Variants in HIVEP3 observed in about 807,000 individuals in gnomAD.
HIVEP3 encodes transcription factor HIVEP3.
A neutral mutation model predicts 152.8 loss-of-function variants in HIVEP3; 49 were observed. The observed-to-expected ratio is 0.32, with a 90% CI of 0.26 to 0.41. HIVEP3 has a LOEUF of 0.41. Among genes scored for constraint, HIVEP3 ranks in the 10% least tolerant of loss-of-function variants. The pLI is 1.00. For synonymous variants in HIVEP3, 1,269 were observed against 1,289.0 expected, an observed-to-expected ratio of 0.98 and a Z score of 0.33; for missense variants, 2,790 against 3,103.3, an observed-to-expected ratio of 0.90 and a Z score of 2.40.
intron 1 of HIVEP3, among the ~76,000 whole-genome samples, chr1:41,760,594 C>T (rs1489962145): frequency 6.6e-6 from 1 of 152,218 alleles, no homozygotes; most frequent in African/African-American, 2.4e-5. Context: ...TCAATAGATA[C>T]TTGCTGATTG....
chr1:41,899,262 A>C (rs1473327970), intron 1 of HIVEP3, among the ~76,000 whole-genome samples: 1 of 152,206 alleles, frequency 6.6e-6, no homozygotes, highest in African/African-American at 2.4e-5. Context: ...ATGCATCTCT[A>C]GGTGTTTTCA....
chr1:41,526,285 GCTCACCCTCACACACA>G (rs1303264241), intron 5 of HIVEP3, among the ~76,000 whole-genome samples: 3 of 89,370 alleles, frequency 3.4e-5, no homozygotes, highest in Non-Finnish European at 7.0e-5. Context: ...ACCCTCACAC[GCTCACCCTCACACACA>G]CTCACCCTCA....
chr1:41,694,028 C>G (rs1284942254), intron 2 of HIVEP3, among the ~76,000 whole-genome samples: 1 of 152,082 alleles, frequency 6.6e-6, no homozygotes, highest in Non-Finnish European at 1.5e-5. Flanking sequence ...TTTTTCTAGG[C>G]CATTCATCCA....
chr1:41,919,342 C>T (rs1570809817), upstream of HIVEP3, among the ~76,000 whole-genome samples: 1 of 152,126 alleles, frequency 6.6e-6, no homozygotes, highest in African/African-American at 2.4e-5. Context: ...GATCAGGGGC[C>T]GGGGAGCCTC....
chr1:41,739,140 C>T (rs1646961030), intron 1 of HIVEP3, among the ~76,000 whole-genome samples: 1 of 152,224 alleles, frequency 6.6e-6, no homozygotes, highest in South Asian at 2.1e-4. Context: ...GTGGCAAAGC[C>T]CAAGGAGCCC....
In HIVEP3 at chr1:41,511,239, A is replaced by G. The variant is rs1206234349; in HGVS notation, c.6433T>C (p.Cys2145Arg). ...AGAGGATGAGCAGGGCCGGGTGAGC[A>G]GGAGGGACTTCGGGACTCGGCCTTC... Reference protein sequence around the residue: ...WQKAESRSPSCSPGPAHPLSS... With the variant: ...WQKAESRSPSRSPGPAHPLSS... The change falls in exon 9 of 9, where the codon TGC (cysteine) becomes CGC (arginine). Residue 2145 changes from cysteine (C) to arginine (R), a missense_variant. This residue lies in a region of HIVEP3 where 816 missense variants were observed against 806.5 expected (regional missense o/e 1.01). Coordinates refer to ENST00000372583, the MANE Select transcript of HIVEP3 (RefSeq NM_024503.5). This position sits in a 1 kb window ranked among gnomAD's most constrained non-coding sequence, Gnocchi z 4.9. 1 of 1,610,602 alleles carries G rather than the reference A, an allele frequency of 6.2e-7. No homozygotes were observed. Among genetic ancestry groups the G allele is most frequent in the African/African-American group, 1.3e-5 (1 of 74,884 alleles).
Position 41,759,133 on chromosome 1 carries a change from C to T in HIVEP3, c.-800-58138G>A, listed in dbSNP as rs75127335. On this transcript the variant is annotated intron_variant, in intron 1 of 8. Transcript: ENST00000372583. ...TTTCCAGCTCCTGGCAACCACCAGT[C>T]TGCTTTCTATTAGGTTGGTGCAAAA... Among the ~76,000 whole-genome samples the T allele has an allele frequency of 4.2e-3, 634 of 151,156 alleles. 4 individuals are homozygous for T. Among genetic ancestry groups the T allele is most frequent in the African/African-American group, 0.014 (585 of 41,320 alleles).
chr1:41,913,834 CT>C (rs985647778), intron 1 of HIVEP3, among the ~76,000 whole-genome samples: 3 of 152,096 alleles, frequency 2.0e-5, no homozygotes, highest in African/African-American at 7.2e-5. Context: ...TTTTCCATAT[CT>C]TTCTACTATT....
At chr1:41,667,591 T>C (rs1385664474) in intron 2 of HIVEP3, among the ~76,000 whole-genome samples, 1 of 152,238 alleles carries the variant, frequency 6.6e-6, no homozygotes, top group African/African-American at 2.4e-5. Context: ...AAATATTTAC[T>C]CTGCCCATGG....
chr1:41,732,382 G>T (rs1457446803), intron 1 of HIVEP3, among the ~76,000 whole-genome samples: 1 of 152,146 alleles, frequency 6.6e-6, no homozygotes, highest in Non-Finnish European at 1.5e-5. Context: ...GAACTGAGGA[G>T]ACCATGGAAC....
intron 2 of HIVEP3, among the ~76,000 whole-genome samples, chr1:41,658,761 A>G (rs1645667977): frequency 6.6e-6 from 1 of 152,190 alleles, no homozygotes; most frequent in African/African-American, 2.4e-5. Flanking sequence ...AATAAGGGAG[A>G]GTGCTCTGCA....
chr1:41,924,938 T>C (rs926680236), intron 1 of HIVEP3, among the ~76,000 whole-genome samples: 1 of 152,164 alleles, frequency 6.6e-6, no homozygotes, highest in African/African-American at 2.4e-5. Flanking sequence ...ATCATTATTG[T>C]TCTTAGAAAT....
intron 3 of HIVEP3, among the ~76,000 whole-genome samples, chr1:41,599,692 A>T (rs946874347): frequency 6.6e-6 from 1 of 152,224 alleles, no homozygotes; most frequent in Non-Finnish European, 1.5e-5. Context: ...TAGATGTGGC[A>T]CCAAAAGCAT....
At chr1:41,529,656 G>A (rs1490102798) in intron 5 of HIVEP3, among the ~76,000 whole-genome samples, 2 of 45,926 alleles carry the variant, frequency 4.4e-5, no homozygotes, top group East Asian at 5.0e-4. Context: ...CCACACTCAC[G>A]CCCCTACACA....
chr1:41,645,594 A>G (rs894433148), intron 2 of HIVEP3, among the ~76,000 whole-genome samples: 3 of 152,232 alleles, frequency 2.0e-5, no homozygotes, highest in Non-Finnish European at 2.9e-5. Context: ...CACTGTAATT[A>G]AAAAACTAAT....
At chr1:41,840,496 C>T (rs1294563108) in intron 1 of HIVEP3, among the ~76,000 whole-genome samples, 1 of 152,190 alleles carries the variant, frequency 6.6e-6, no homozygotes, top group Non-Finnish European at 1.5e-5. Context: ...AAGCATGGCC[C>T]TGCTGACACC....
At chr1:41,704,743 C>A (rs1297078058) in intron 1 of HIVEP3, among the ~76,000 whole-genome samples, 3 of 152,232 alleles carry the variant, frequency 2.0e-5, no homozygotes, top group Non-Finnish European at 4.4e-5. Context: ...TAACTATGAG[C>A]ACATGTCAAT....
At chr1:41,704,866 A>G (rs1305572648) in intron 1 of HIVEP3, among the ~76,000 whole-genome samples, 1 of 152,244 alleles carries the variant, frequency 6.6e-6, no homozygotes, top group African/African-American at 2.4e-5. Context: ...GTTTGACTTC[A>G]AAGTTCCATG....
At chr1:41,812,388 G>A (rs1031750716) in intron 1 of HIVEP3, among the ~76,000 whole-genome samples, 8 of 152,130 alleles carry the variant, frequency 5.3e-5, no homozygotes, top group African/African-American at 1.9e-4. Flanking sequence ...AGTGAGCTAT[G>A]ACCATGTCGC....
Sources: allele counts gnomAD v4.1 joint callset (sites outside exome capture counted in the v4.1 genomes callset), GRCh38; gene constraint gnomAD v4.1.1; regional missense constraint gnomAD v4.1.1; non-coding constraint Gnocchi (gnomAD v3.1); transcripts MANE v1.5; gene names NCBI Gene and HGNC (gene_info 2026-07-23, HGNC 2026-07-21).